Variants in SPRED2 observed in about 807,000 individuals in gnomAD.
SPRED2 encodes the protein sprouty related EVH1 domain containing 2.
SPRED2 carries 47 observed loss-of-function variants against 43.0 expected under a neutral mutation model. The observed-to-expected ratio is 1.09, with a 90% CI of 0.87 to 1.40. The LOEUF is 1.40. SPRED2 is among the 40% of genes most tolerant of loss of function. SPRED2 has a pLI of 0.00. For missense variants in SPRED2, 561 were observed against 586.4 expected (o/e 0.96, Z 0.45); for synonymous variants, 225 against 225.7 (o/e 1.00, Z 0.03).
At position 65,313,345 on chromosome 2, in the gene SPRED2, C is replaced by T; in HGVS notation, c.*156G>A. ...GAGTGGAGAGTCTACCCGGCAGCGT[C>T]CCTGGCTGGAATGGTGCCTCGAGGT... On this transcript the variant is annotated 3_prime_UTR_variant, in exon 6 of 6. Coordinates refer to ENST00000356388, the MANE Select transcript of SPRED2 (RefSeq NM_181784.3). 3 of 1,481,296 alleles carry T rather than the reference C, an allele frequency of 2.0e-6. No homozygotes were observed. Among genetic ancestry groups the T allele is most frequent in the Non-Finnish European group, 8.9e-7 (1 of 1,125,128 alleles). The allele number at this position is 1,481,296 out of a possible 1,614,324, so 91.8% of individuals were successfully genotyped here.
At chr2:65,416,411 C>T (rs907154279) in intron 1 of SPRED2, among the ~76,000 whole-genome samples, 1 of 152,160 alleles carries the variant, frequency 6.6e-6, no homozygotes, top group African/African-American at 2.4e-5. Context: ...ACATCTAGTT[C>T]TCCTGGTCAC....
At chr2:65,364,428 T>C (rs1364333827) in intron 1 of SPRED2, among the ~76,000 whole-genome samples, 1 of 152,268 alleles carries the variant, frequency 6.6e-6, no homozygotes. Context: ...CATGGCTCTG[T>C]ATTCCTTTTC....
rs1255221935 is a variant in SPRED2 at position 65,407,378 on chromosome 2, G to A, written c.26+24584C>T. Among the ~76,000 whole-genome samples, 7 of 151,262 alleles carry A rather than the reference G, an allele frequency of 4.6e-5. No individual in the cohort carries two copies. The East Asian group carries it at 7.7e-4, about 17-fold the overall frequency. On this transcript the variant is annotated intron_variant, in intron 1 of 5. Coordinates refer to ENST00000356388, the MANE Select transcript of SPRED2 (RefSeq NM_181784.3). ...GGTGGCTGCAGGTGTGTGTGTGTGC[G>A]TGTGTTGTGTATTGGGGGGCATTTT...
chr2:65,401,000 C>T (rs958949383), intron 1 of SPRED2, among the ~76,000 whole-genome samples: 1 of 152,122 alleles, frequency 6.6e-6, no homozygotes, highest in Admixed American at 6.5e-5. Flanking sequence ...CAGAGTCTCA[C>T]TCTGTCGCCT....
chr2:65,392,439 G>C (rs1260388116), intron 1 of SPRED2, among the ~76,000 whole-genome samples: 1 of 152,124 alleles, frequency 6.6e-6, no homozygotes, highest in Non-Finnish European at 1.5e-5. Context: ...GCCTCCCAAA[G>C]TGCTAAGATT....
chr2:65,337,146 C>T (rs375384822), intron 2 of SPRED2, among the ~76,000 whole-genome samples: 13 of 152,058 alleles, frequency 8.5e-5, no homozygotes, highest in African/African-American at 3.1e-4. Context: ...AGTTCAGCCA[C>T]CTAAATTAAG....
At chr2:65,310,298 A>C (rs1004150854), downstream of SPRED2, among the ~76,000 whole-genome samples, 4 of 152,106 alleles carry the variant, frequency 2.6e-5, no homozygotes, top group Non-Finnish European at 4.4e-5. Flanking sequence ...GACCCTCAGA[A>C]GACCTCATAC....
chr2:65,423,570 T>G lies in SPRED2; in HGVS notation c.26+8392A>C, dbSNP rs114828364. On this transcript the variant is annotated intron_variant, in intron 1 of 5. Coordinates refer to ENST00000356388, the MANE Select transcript of SPRED2 (RefSeq NM_181784.3). ...AGCTCCCTGAGGAGCCTTGAGCAAG[T>G]CATTTCAGCTCTCTAAGGTACAAAG... Among the ~76,000 whole-genome samples the G allele has an allele frequency of 3.6e-3, 551 of 152,336 alleles. 3 individuals are homozygous for G. Among genetic ancestry groups the G allele is most frequent in the African/African-American group, 0.013 (527 of 41,588 alleles).
intron 2 of SPRED2, among the ~76,000 whole-genome samples, chr2:65,342,409 T>C (rs1367531862): frequency 6.7e-6 from 1 of 148,796 alleles, no homozygotes; most frequent in East Asian, 1.9e-4. Flanking sequence ...TGTATGTATA[T>C]TTTGTATACG....
chr2:65,379,412 G>C (rs970162075), intron 1 of SPRED2, among the ~76,000 whole-genome samples: 2 of 152,142 alleles, frequency 1.3e-5, no homozygotes, highest in African/African-American at 4.8e-5. Context: ...ATTCTCTTAG[G>C]AGGGCAAGCC....
chr2:65,328,275 C>G (rs1673704789), intron 4 of SPRED2, among the ~76,000 whole-genome samples: 1 of 152,146 alleles, frequency 6.6e-6, no homozygotes, highest in African/African-American at 2.4e-5. Flanking sequence ...AGCCAATGTA[C>G]CAGTTTAAAT....
At chr2:65,377,157 T>C (rs1436156600) in intron 1 of SPRED2, among the ~76,000 whole-genome samples, 1 of 152,234 alleles carries the variant, frequency 6.6e-6, no homozygotes, top group Non-Finnish European at 1.5e-5. Context: ...CTGTTAAAAA[T>C]AATCCTGTGA....
At chr2:65,408,622 C>G (rs2103752567) in intron 1 of SPRED2, among the ~76,000 whole-genome samples, 1 of 151,588 alleles carries the variant, frequency 6.6e-6, no homozygotes, top group African/African-American at 2.4e-5. Context: ...CGGAGTCTCA[C>G]TCTGTCACCT....
At chr2:65,348,962 A>T (rs1674428908) in intron 1 of SPRED2, among the ~76,000 whole-genome samples, 3 of 152,240 alleles carry the variant, frequency 2.0e-5, no homozygotes, top group African/African-American at 7.2e-5. Flanking sequence ...ATACATGTAC[A>T]TATATGACTA....
chr2:65,416,937 A>T (rs1006040754), intron 1 of SPRED2, among the ~76,000 whole-genome samples: 1 of 152,202 alleles, frequency 6.6e-6, no homozygotes, highest in Admixed American at 6.5e-5. Flanking sequence ...GGCCTTAGAA[A>T]AACTTAAGAG....
intron 1 of SPRED2, among the ~76,000 whole-genome samples, chr2:65,424,770 A>G (rs1558694129): frequency 6.6e-6 from 1 of 152,138 alleles, no homozygotes; most frequent in Non-Finnish European, 1.5e-5. Context: ...GGGCAACGTT[A>G]AGAAGACCTC....
intron 1 of SPRED2, among the ~76,000 whole-genome samples, chr2:65,350,055 C>T (rs954389573): frequency 8.5e-5 from 13 of 152,242 alleles, no homozygotes; most frequent in Non-Finnish European, 7.3e-5. Context: ...GGTGTATTTA[C>T]GTTACTCAGG....
At chr2:65,359,063 A>G (rs1674733427) in intron 1 of SPRED2, among the ~76,000 whole-genome samples, 1 of 152,200 alleles carries the variant, frequency 6.6e-6, no homozygotes, top group Non-Finnish European at 1.5e-5. Flanking sequence ...ACAAATCCCA[A>G]CTTAAGTGTT....
At chr2:65,421,830 T>C (rs1369169883) in intron 1 of SPRED2, among the ~76,000 whole-genome samples, 1 of 152,188 alleles carries the variant, frequency 6.6e-6, no homozygotes, top group African/African-American at 2.4e-5. Context: ...AACCAAGCTA[T>C]TCAGATAACA....
Sources: gnomAD v4.1 joint callset for allele counts (sites outside exome capture counted in the v4.1 genomes callset) on GRCh38, gnomAD v4.1.1 for gene constraint, MANE v1.5 for transcripts, NCBI Gene and HGNC (gene_info 2026-07-23, HGNC 2026-07-21) for gene names.